The following RTL6 variants were observed in gnomAD, a reference collection of about 807,000 sequenced individuals.
RTL6 encodes retrotransposon Gag-like protein 6.
Under a neutral mutation model 12.4 loss-of-function variants are expected in RTL6, and 9 were observed. That is an observed-to-expected ratio of 0.73 (90% CI 0.44 to 1.27). RTL6 has a LOEUF of 1.27. Among genes scored for constraint, RTL6 ranks in the 50% most tolerant of loss-of-function variants. The pLI is 0.00. For missense variants in RTL6, 291 were observed against 330.7 expected (o/e 0.88, Z 0.93); for synonymous variants, 160 against 142.8 (o/e 1.12, Z -0.86).
Position 44,493,500 on chromosome 22 carries a change from C to G in RTL6, c.*3337G>C, listed in dbSNP as rs973655712. Reference sequence around the variant, plus strand: ...TCTGTTCCACGTGGAAGGCCCTACACCCCAACCTTCTCCCCTACTCTGGGG... The same window carrying G: ...TCTGTTCCACGTGGAAGGCCCTACAGCCCAACCTTCTCCCCTACTCTGGGG... On this transcript the variant is annotated 3_prime_UTR_variant, in exon 2 of 2. Coordinates refer to ENST00000341255, the MANE Select transcript of RTL6 (RefSeq NM_032287.3). The G allele has an allele frequency of 6.6e-6, 1 of 152,214 alleles. No homozygotes were observed. The highest frequency in any genetic ancestry group is 1.5e-5 in the Non-Finnish European group (1 of 68,106). 9.4% of individuals were successfully genotyped at this position (152,214 alleles called of 1,614,324 possible).
rs1419244585 is a variant in RTL6 at position 44,496,937 on chromosome 22, C to T, written c.620G>A (p.Arg207His). The change falls in exon 2 of 2, where the codon CGC becomes CAC. Residue 207 changes from arginine (R) to histidine (H), a missense_variant. Around this residue, in one of 3 missense-constraint regions of RTL6, gnomAD observed 132 missense variants for 163.9 expected, o/e 0.81. Transcript: ENST00000341255. ...CCCCGTGCCCGCAGAGGCCAGCTGG[C>T]GGCAGAGCATCTGCCTCTCTCGCAC... is the stretch of plus-strand genomic sequence containing the variant. Reference protein sequence around the residue: ...RAVRERQMLCRQLASAGTGPC... With the variant: ...RAVRERQMLCHQLASAGTGPC... 9 of 1,613,276 alleles carry T rather than the reference C, an allele frequency of 5.6e-6. No homozygotes were observed. The highest frequency in any genetic ancestry group is 1.1e-5 in the South Asian group (1 of 91,046).
chr22:44,494,428 G>A lies in RTL6; in HGVS notation c.*2409C>T, dbSNP rs1383256499. 6.8e-6 allele frequency: 1 copy of A among 147,326 alleles called. No individual in the cohort carries two copies. Among genetic ancestry groups the A allele is most frequent in the African/African-American group, 2.5e-5 (1 of 39,454 alleles). The allele number at this position is 147,326 out of a possible 1,614,324, so 9.1% of individuals were successfully genotyped here. A position where few individuals can be genotyped will look rare whatever the true frequency, so the allele number is the denominator to read the frequency against. On this transcript the variant is annotated 3_prime_UTR_variant, in exon 2 of 2. Coordinates refer to ENST00000341255, the MANE Select transcript of RTL6 (RefSeq NM_032287.3). ...ATGGGGTCCTCACCTCTCCAATGTG[G>A]GCTTCTTCCAAGTCCAAGGTGGAGG...
rs1331134931 is a variant in RTL6 at position 44,496,672 on chromosome 22, G to A, written c.*165C>T. On this transcript the variant is annotated 3_prime_UTR_variant, in exon 2 of 2. Coordinates refer to ENST00000341255, the MANE Select transcript of RTL6 (RefSeq NM_032287.3). ...AAGCACGGCAAGGTGGGCAACCAGG[G>A]CGCCAGGAAGGACGGAAGGAAGATC... 5.7e-6 allele frequency: 5 copies of A among 875,112 alleles called. No individual in the cohort carries two copies. Among genetic ancestry groups the A allele is most frequent in the Non-Finnish European group, 8.8e-6 (5 of 570,716 alleles). The allele number at this position is 875,112 out of a possible 1,614,324, so 54.2% of individuals were successfully genotyped here.
Position 44,496,949 on chromosome 22 carries a change from T to A in RTL6, c.608A>T (p.Gln203Leu). The A allele has an allele frequency of 6.2e-7, 1 of 1,613,712 alleles. No homozygotes were observed. Among genetic ancestry groups the A allele is most frequent in the Non-Finnish European group, 8.5e-7 (1 of 1,179,880 alleles). Residue 203 changes from glutamine (Q) to leucine (L), a missense_variant, in exon 2 of 2, where the codon CAG becomes CTG. Gln to Leu is a moderately radical substitution (Grantham distance 113). This residue lies in a region of RTL6 where 132 missense variants were observed against 163.9 expected (regional missense o/e 0.81). Coordinates refer to ENST00000341255, the MANE Select transcript of RTL6 (RefSeq NM_032287.3). ...SASNRAVRERQMLCRQLASAG... is the reference protein window; with the variant it reads ...SASNRAVRERLMLCRQLASAG... ...AGAGGCCAGCTGGCGGCAGAGCATC[T>A]GCCTCTCTCGCACAGCCCTATTAGA... is the stretch of plus-strand genomic sequence containing the variant.
Position 44,496,591 on chromosome 22 carries a change from G to A in RTL6, c.*246C>T, listed in dbSNP as rs977678743. On this transcript the variant is annotated 3_prime_UTR_variant, in exon 2 of 2. Coordinates refer to ENST00000341255, the MANE Select transcript of RTL6 (RefSeq NM_032287.3). ...GTCATTGAAACAGGCCGGGATGCCA[G>A]CAAGAGGGAGGCGAGCATGCAGTGA... 1.9e-5 allele frequency: 10 copies of A among 533,202 alleles called. No individual in the cohort carries two copies. The highest frequency in any genetic ancestry group is 3.3e-5 in the Non-Finnish European group (10 of 305,002). The allele number at this position is 533,202 out of a possible 1,614,324, so 33.0% of individuals were successfully genotyped here.
rs1448806286 is a variant in RTL6 at position 44,497,032 on chromosome 22, T to C, written c.525A>G (p.Arg175=). ...CATGCCGGAGCGGAGACTTGTAGGT[T>C]CTCCGCAACTCTGCCAGGAACCCCT... ...NYQGFLAELR[R]TYKSPLRHAR... is the part of the protein sequence containing the mutation. Residue 175 remains arginine (R), a synonymous_variant, in exon 2 of 2, where the codon AGA becomes AGG. Coordinates refer to ENST00000341255, the MANE Select transcript of RTL6 (RefSeq NM_032287.3). The C allele has an allele frequency of 1.2e-6, 2 of 1,613,922 alleles. No individual in the cohort carries two copies. The highest frequency in any genetic ancestry group is 1.7e-5 in the Admixed American group (1 of 60,002).
chr22:44,496,678 G>T lies in RTL6; in HGVS notation c.*159C>A. 1 of 938,196 alleles carries T rather than the reference G, an allele frequency of 1.1e-6. No homozygotes were observed. The highest frequency in any genetic ancestry group is 1.6e-6 in the Non-Finnish European group (1 of 628,138). The allele number at this position is 938,196 out of a possible 1,614,324, so 58.1% of individuals were successfully genotyped here. On this transcript the variant is annotated 3_prime_UTR_variant, in exon 2 of 2. Transcript: ENST00000341255. Reference sequence around the variant, plus strand: ...GGCAAGGTGGGCAACCAGGGCGCCAGGAAGGACGGAAGGAAGATCTCCTCG... The same window carrying T: ...GGCAAGGTGGGCAACCAGGGCGCCATGAAGGACGGAAGGAAGATCTCCTCG...
chr22:44,497,829 G>T lies in RTL6; in HGVS notation c.-255-18C>A, dbSNP rs979477924. The T allele has an allele frequency of 4.3e-6, 2 of 460,588 alleles. No individual in the cohort carries two copies. The highest frequency in any genetic ancestry group is 2.0e-5 in the African/African-American group (1 of 48,910). 28.5% of individuals were successfully genotyped at this position (460,588 alleles called of 1,614,324 possible). ...TCTGGGCCCTGGAGGATTAAGAAAA[G>T]ATGTTTTCAAGGTTTCAGTTGCGAC... On this transcript the variant is annotated intron_variant, in intron 1 of 1. Transcript: ENST00000341255.
rs750049440 is a variant in RTL6 at position 44,496,998 on chromosome 22, C to T, written c.559G>A (p.Ala187Thr). The T allele has an allele frequency of 2.2e-5, 36 of 1,613,772 alleles. No individual in the cohort carries two copies. The highest frequency in any genetic ancestry group is 1.7e-5 in the Admixed American group (1 of 59,972). ...GAGGCAGAAGTCTTCCTGATTTGGGCGCGCCGCGCATGCCGGAGCGGAGAC... is the reference window on the plus strand; with the variant it reads ...GAGGCAGAAGTCTTCCTGATTTGGGTGCGCCGCGCATGCCGGAGCGGAGAC... Reference protein sequence around the residue: ...YKSPLRHARRAQIRKTSASNR... With the variant: ...YKSPLRHARRTQIRKTSASNR... Residue 187 changes from alanine (A) to threonine (T), a missense_variant, in exon 2 of 2, where the codon GCC becomes ACC. By Grantham distance (58) the Ala-to-Thr change is moderately conservative (BLOSUM62 0). Around this residue, in one of 3 missense-constraint regions of RTL6, gnomAD observed 132 missense variants for 163.9 expected, o/e 0.81. Coordinates refer to ENST00000341255, the MANE Select transcript of RTL6 (RefSeq NM_032287.3).
chr22:44,493,043 A>G lies in RTL6; in HGVS notation c.*3794T>C, dbSNP rs977050897. 1 of 152,202 alleles carries G rather than the reference A, an allele frequency of 6.6e-6. No homozygotes were observed. The highest frequency in any genetic ancestry group is 2.4e-5 in the African/African-American group (1 of 41,454). 9.4% of individuals were successfully genotyped at this position (152,202 alleles called of 1,614,324 possible). ...TTAGTAACAGCATTAGTGATTGGCA[A>G]CTGGCACAATGGTCCATCTAGTCAA... On this transcript the variant is annotated 3_prime_UTR_variant, in exon 2 of 2. Transcript: ENST00000341255.
In RTL6 at chr22:44,497,747, C is replaced by T. The variant is rs1331118791; in HGVS notation, c.-191G>A. On this transcript the variant is annotated 5_prime_UTR_variant, in exon 2 of 2. Coordinates refer to ENST00000341255, the MANE Select transcript of RTL6 (RefSeq NM_032287.3). ...TAGGGACTTCGGCCCCGGTCCCACG[C>T]GGCTCCTTTACTGCAGACTTCGCGG... The T allele has an allele frequency of 2.8e-6, 2 of 709,534 alleles. No individual in the cohort carries two copies. Among genetic ancestry groups the T allele is most frequent in the African/African-American group, 1.8e-5 (1 of 55,272 alleles). 44.0% of individuals were successfully genotyped at this position (709,534 alleles called of 1,614,324 possible).
At position 44,495,146 on chromosome 22, in the gene RTL6, C is replaced by G. The variant is rs1203193687; in HGVS notation, c.*1691G>C. The G allele has an allele frequency of 6.5e-6, 1 of 152,704 alleles. No individual in the cohort carries two copies. Among genetic ancestry groups the G allele is most frequent in the Non-Finnish European group, 1.5e-5 (1 of 68,080 alleles). 9.5% of individuals were successfully genotyped at this position (152,704 alleles called of 1,614,324 possible). A position where few individuals can be genotyped will look rare whatever the true frequency, so the allele number is the denominator to read the frequency against. ...GCAGTTGTTCAGCAGGGCAATTGGG[C>G]TAACAGAGTTGATGGTGAGTGGGTG... is the stretch of plus-strand genomic sequence containing the variant. On this transcript the variant is annotated 3_prime_UTR_variant, in exon 2 of 2. Transcript: ENST00000341255.
chr22:44,495,718 G>A lies in RTL6; in HGVS notation c.*1119C>T, dbSNP rs1176067714. ...TCCCGAAGGGAGTCTGTTTTCCCTT[G>A]GACAAAGGCAGCCCATCTGATTGCC... On this transcript the variant is annotated 3_prime_UTR_variant, in exon 2 of 2. Coordinates refer to ENST00000341255, the MANE Select transcript of RTL6 (RefSeq NM_032287.3). The A allele has an allele frequency of 1.3e-5, 2 of 152,076 alleles. No homozygotes were observed. Among genetic ancestry groups the A allele is most frequent in the Non-Finnish European group, 2.9e-5 (2 of 68,060 alleles). 9.4% of individuals were successfully genotyped at this position (152,076 alleles called of 1,614,324 possible).
Position 44,495,662 on chromosome 22 carries a change from C to CCCT in RTL6, c.*1174_*1175insAGG. ...CTGGCTGGGTTGCCAGAGGCAGACACCCCCCCCGGCCTTAAGTGCTTAAGG... is the reference window on the plus strand; with the variant it reads ...CTGGCTGGGTTGCCAGAGGCAGACACCCTCCCCCCCGGCCTTAAGTGCTTAAGG... On this transcript the variant is annotated 3_prime_UTR_variant, in exon 2 of 2. Transcript: ENST00000341255. 1 of 43,518 alleles carries CCCT rather than the reference C, an allele frequency of 2.3e-5. No homozygotes were observed. The highest frequency in any genetic ancestry group is 5.4e-5 in the Non-Finnish European group (1 of 18,600). The allele number at this position is 43,518 out of a possible 1,614,324, so 2.7% of individuals were successfully genotyped here. A position where few individuals can be genotyped will look rare whatever the true frequency, so the allele number is the denominator to read the frequency against.
chr22:44,497,140 G>C lies in RTL6; in HGVS notation c.417C>G (p.Phe139Leu), dbSNP rs1295651643. ...CCTCCCCAGTCAGTCGAGACACAAGGAAGGCCACACGCTCGGCCTCACCCG... is the reference window on the plus strand; with the variant it reads ...CCTCCCCAGTCAGTCGAGACACAAGCAAGGCCACACGCTCGGCCTCACCCG... ...RFPGEAERVA[F>L]LVSRLTGEAE... is the part of the protein sequence containing the mutation. The change falls in exon 2 of 2, where the codon TTC (phenylalanine) becomes TTG (leucine). Residue 139 changes from phenylalanine (F) to leucine (L), a missense_variant. Phe to Leu is a conservative substitution (Grantham distance 22). Transcript: ENST00000341255. The C allele has an allele frequency of 5.0e-6, 8 of 1,613,950 alleles. No homozygotes were observed. The highest frequency in any genetic ancestry group is 6.8e-6 in the Non-Finnish European group (8 of 1,179,924).
rs533738420 is a variant in RTL6 at position 44,495,048 on chromosome 22, C to T, written c.*1789G>A. 38 of 152,892 alleles carry T rather than the reference C, an allele frequency of 2.5e-4. No homozygotes were observed. The highest frequency in any genetic ancestry group is 2.3e-3 in the South Asian group (11 of 4,830). The allele number at this position is 152,892 out of a possible 1,614,324, so 9.5% of individuals were successfully genotyped here. A position where few individuals can be genotyped will look rare whatever the true frequency, so the allele number is the denominator to read the frequency against. On this transcript the variant is annotated 3_prime_UTR_variant, in exon 2 of 2. Transcript: ENST00000341255. ...CTGCTGTGTGTCTTCCCTCCGATCA[C>T]GCTTAAAGAGCACCATGGTCCCACC...
rs180877197 is a variant in RTL6 at position 44,493,099 on chromosome 22, A to C, written c.*3738T>G. The C allele has an allele frequency of 6.6e-6, 1 of 152,332 alleles. No homozygotes were observed. Among genetic ancestry groups the C allele is most frequent in the African/African-American group, 2.4e-5 (1 of 41,576 alleles). 9.4% of individuals were successfully genotyped at this position (152,332 alleles called of 1,614,324 possible). The stretch of plus-strand genomic sequence containing the variant: ...GAGTACACAGCCACTCCAAAATAAA[A>C]TATTTAGTAATCATAAGGGGAGATG... On this transcript the variant is annotated 3_prime_UTR_variant, in exon 2 of 2. Transcript: ENST00000341255.
At position 44,497,027 on chromosome 22, in the gene RTL6, T is replaced by C; in HGVS notation, c.530A>G (p.Tyr177Cys). 4 of 1,614,046 alleles carry C rather than the reference T, an allele frequency of 2.5e-6. No individual in the cohort carries two copies. The highest frequency in any genetic ancestry group is 3.4e-6 in the Non-Finnish European group (4 of 1,180,000). The change falls in exon 2 of 2, where the codon TAC becomes TGC. Residue 177 changes from tyrosine (Y) to cysteine (C), a missense_variant. By Grantham distance (194) the Tyr-to-Cys change is radical (BLOSUM62 -2). This residue lies in a region of RTL6 where 132 missense variants were observed against 163.9 expected (regional missense o/e 0.81). Transcript: ENST00000341255. ...QGFLAELRRT[Y>C]KSPLRHARRA... ...CCGCGCATGCCGGAGCGGAGACTTG[T>C]AGGTTCTCCGCAACTCTGCCAGGAA...
In RTL6 at chr22:44,496,729, G is replaced by A. The variant is rs1434735822; in HGVS notation, c.*108C>T. On this transcript the variant is annotated 3_prime_UTR_variant, in exon 2 of 2. Coordinates refer to ENST00000341255, the MANE Select transcript of RTL6 (RefSeq NM_032287.3). Reference sequence around the variant, plus strand: ...GGGAACACGTCTGGAGAGGCAAGAAGGGAGGTCTTCAAACAGGGGCAAAGC... The same window carrying A: ...GGGAACACGTCTGGAGAGGCAAGAAAGGAGGTCTTCAAACAGGGGCAAAGC... 9.0e-6 allele frequency: 12 copies of A among 1,333,934 alleles called. No homozygotes were observed. Among genetic ancestry groups the A allele is most frequent in the Non-Finnish European group, 1.0e-5 (10 of 980,556 alleles). The allele number at this position is 1,333,934 out of a possible 1,614,324, so 82.6% of individuals were successfully genotyped here. A position where few individuals can be genotyped will look rare whatever the true frequency, so the allele number is the denominator to read the frequency against.
Sources: allele counts gnomAD v4.1 joint callset, GRCh38; gene constraint gnomAD v4.1.1; regional missense constraint gnomAD v4.1.1; transcripts MANE v1.5; gene names NCBI Gene and HGNC (gene_info 2026-07-23, HGNC 2026-07-21).